The following SUCLG2 variants were observed in gnomAD, a reference collection of about 807,000 sequenced individuals.
SUCLG2 encodes succinate--CoA ligase [GDP-forming] subunit beta, mitochondrial.
SUCLG2 carries 42 observed loss-of-function variants against 47.9 expected under a neutral mutation model. The observed-to-expected ratio is 0.88, with a 90% CI of 0.69 to 1.14. SUCLG2 has a LOEUF of 1.14. SUCLG2 is among the 50% of genes most tolerant of loss of function. The pLI is 0.00. For synonymous variants in SUCLG2, 195 were observed against 197.3 expected, an observed-to-expected ratio of 0.99 and a Z score of 0.10; for missense variants, 571 against 525.9, an observed-to-expected ratio of 1.09 and a Z score of -0.84.
intron 9 of SUCLG2, among the ~76,000 whole-genome samples, chr3:67,424,340 A>G (rs191252677): frequency 5.6e-4 from 85 of 152,252 alleles, no homozygotes; most frequent in Non-Finnish European, 2.9e-4. Flanking sequence ...TGACATCTCT[A>G]TTTCCATTCA....
chr3:67,588,833 A>G (rs1708087472), intron 2 of SUCLG2, among the ~76,000 whole-genome samples: 1 of 152,238 alleles, frequency 6.6e-6, no homozygotes, highest in Non-Finnish European at 1.5e-5. Context: ...GATTCATTTA[A>G]TATTGGCAAA....
chr3:67,451,592 C>A (rs1704058167), intron 9 of SUCLG2, among the ~76,000 whole-genome samples: 1 of 151,678 alleles, frequency 6.6e-6, no homozygotes. Context: ...GCTCAATCAT[C>A]AATGGAAGGA....
At chr3:67,517,056 C>T (rs942388144) in intron 6 of SUCLG2, among the ~76,000 whole-genome samples, 3 of 152,142 alleles carry the variant, frequency 2.0e-5, no homozygotes, top group Non-Finnish European at 4.4e-5. Context: ...TCAGAAATGG[C>T]AATTAGTTCC....
intron 2 of SUCLG2, among the ~76,000 whole-genome samples, chr3:67,537,401 A>C (rs2107166274): frequency 6.6e-6 from 1 of 152,200 alleles, no homozygotes; most frequent in East Asian, 1.9e-4. Context: ...ACATGAACTC[A>C]TCCTTTTTTA....
intron 1 of SUCLG2, among the ~76,000 whole-genome samples, chr3:67,630,323 A>T (rs771652386): frequency 2.3e-4 from 35 of 152,198 alleles, no homozygotes; most frequent in Non-Finnish European, 4.4e-4. Context: ...TAAACTGTAG[A>T]CTTTGGTGGT....
intron 9 of SUCLG2, among the ~76,000 whole-genome samples, chr3:67,461,228 G>A (rs2106958003): frequency 6.6e-6 from 1 of 152,244 alleles, no homozygotes; most frequent in East Asian, 1.9e-4. Flanking sequence ...CCCACAGCAT[G>A]CATGAGTTTA....
chr3:67,408,876 T>A (rs752701904), intron 9 of SUCLG2: 9 of 1,467,422 alleles, frequency 6.1e-6, no homozygotes, highest in Non-Finnish European at 8.0e-6. Context: ...GTAAAGTCCA[T>A]GTTCGTTCCA....
chr3:67,513,463 A>T (rs1306141843), intron 6 of SUCLG2, among the ~76,000 whole-genome samples: 1 of 152,240 alleles, frequency 6.6e-6, no homozygotes, highest in African/African-American at 2.4e-5. Context: ...ACATCTCCAA[A>T]CCAAGCTGGT....
At chr3:67,396,006 G>A (rs982436782) in intron 10 of SUCLG2, among the ~76,000 whole-genome samples, 11 of 151,728 alleles carry the variant, frequency 7.2e-5, no homozygotes, top group African/African-American at 9.7e-5. Flanking sequence ...AGAATCTCTG[G>A]GACACATTCA....
intron 2 of SUCLG2, among the ~76,000 whole-genome samples, chr3:67,546,239 T>C (rs545603029): frequency 1.3e-5 from 2 of 152,180 alleles, no homozygotes; most frequent in Non-Finnish European, 2.9e-5. Context: ...TTTGGAATTA[T>C]ACCACCCAAG....
intron 9 of SUCLG2, among the ~76,000 whole-genome samples, chr3:67,461,596 C>T (rs1197410200): frequency 6.6e-6 from 1 of 151,608 alleles, no homozygotes; most frequent in Admixed American, 6.6e-5. Context: ...ATCTAGGGGT[C>T]CCCAACCTGG....
chr3:67,430,803 A>G (rs894322084), intron 9 of SUCLG2, among the ~76,000 whole-genome samples: 2 of 152,208 alleles, frequency 1.3e-5, no homozygotes, highest in Non-Finnish European at 2.9e-5. Context: ...AAAAACTACC[A>G]TCAGAGAATA....
intron 2 of SUCLG2, among the ~76,000 whole-genome samples, chr3:67,564,881 C>T (rs1707410376): frequency 6.6e-6 from 1 of 152,098 alleles, no homozygotes; most frequent in Admixed American, 6.6e-5. Flanking sequence ...TTAAAATAAG[C>T]CTTTCGTGCT....
intron 9 of SUCLG2, among the ~76,000 whole-genome samples, chr3:67,429,484 A>G (rs529657750): frequency 7.2e-5 from 11 of 152,354 alleles, no homozygotes; most frequent in African/African-American, 1.9e-4. Context: ...GGTACCAGCC[A>G]CTGCAAAAAC....
intron 9 of SUCLG2, among the ~76,000 whole-genome samples, chr3:67,456,256 A>T (rs1704183833): frequency 6.6e-6 from 1 of 152,066 alleles, no homozygotes; most frequent in African/African-American, 2.4e-5. Flanking sequence ...TTTATTACCA[A>T]TCAAATAAAA....
At chr3:67,568,843 C>T (rs1033804450) in intron 2 of SUCLG2, among the ~76,000 whole-genome samples, 8 of 151,912 alleles carry the variant, frequency 5.3e-5, no homozygotes, top group East Asian at 1.9e-4. Context: ...GCCGAGATCG[C>T]GCCACTGCAC....
chr3:67,393,087 G>T (rs1345215491), intron 10 of SUCLG2, among the ~76,000 whole-genome samples: 1 of 152,240 alleles, frequency 6.6e-6, no homozygotes, highest in African/African-American at 2.4e-5. Flanking sequence ...CTCCCAGCGT[G>T]AGCGACGCAG....
intron 2 of SUCLG2, among the ~76,000 whole-genome samples, chr3:67,580,848 T>A (rs1707863120): frequency 6.6e-6 from 1 of 152,174 alleles, no homozygotes; most frequent in South Asian, 2.1e-4. Context: ...CCAATAAATG[T>A]CAAATTAAAT....
At chr3:67,468,555 G>C (rs1412661006) in intron 9 of SUCLG2, among the ~76,000 whole-genome samples, 1 of 152,144 alleles carries the variant, frequency 6.6e-6, no homozygotes, top group Non-Finnish European at 1.5e-5. Flanking sequence ...GCTATGAAAA[G>C]GCCAAACTAC....
Sources: gnomAD v4.1 joint callset for allele counts (sites outside exome capture counted in the v4.1 genomes callset) on GRCh38, gnomAD v4.1.1 for gene constraint, MANE v1.5 for transcripts, NCBI Gene and HGNC (gene_info 2026-07-23, HGNC 2026-07-21) for gene names.